Variants in NINJ1 observed in about 807,000 individuals in gnomAD.
NINJ1 encodes the protein ninjurin 1.
NINJ1 carries 6 observed loss-of-function variants against 12.7 expected under a neutral mutation model. That is an observed-to-expected ratio of 0.47 (90% CI 0.26 to 0.93). The LOEUF (loss-of-function observed/expected upper bound fraction) is 0.93. Ranked by LOEUF, NINJ1 falls within the 40% of genes least tolerant of loss-of-function variation. NINJ1 has a pLI of 0.15. For synonymous variants in NINJ1, 100 were observed against 96.0 expected (o/e 1.04, Z -0.25); for missense variants, 170 against 213.0 (o/e 0.80, Z 1.26).
In NINJ1 at chr9:93,121,929, C is replaced by T. The variant is rs1031976425; in HGVS notation, c.*311G>A. The T allele has an allele frequency of 6.6e-6, 1 of 152,350 alleles. No individual in the cohort carries two copies. 9.4% of individuals were successfully genotyped at this position (152,350 alleles called of 1,614,324 possible). On this transcript the variant is annotated 3_prime_UTR_variant, in exon 4 of 4. Transcript: ENST00000375446. ...CTGTGTGTCCTTGAGTGGGTCGAGACCCTTCTCTGGGCACAGGTCTCTGCA... is the reference window on the plus strand; with the variant it reads ...CTGTGTGTCCTTGAGTGGGTCGAGATCCTTCTCTGGGCACAGGTCTCTGCA...
rs538544171 is a variant in NINJ1, at chr9:93,131,794, C to T, written c.75+2349G>A. Among the ~76,000 whole-genome samples, 22 of 152,336 alleles carry T rather than the reference C, an allele frequency of 1.4e-4. No individual in the cohort carries two copies. In the South Asian group the frequency reaches 3.9e-3, roughly 27 times the overall value. On this transcript the variant is annotated intron_variant, in intron 1 of 3. Coordinates refer to ENST00000375446, the MANE Select transcript of NINJ1 (RefSeq NM_004148.4). The stretch of plus-strand genomic sequence containing the variant: ...GTAGGGGAGACCTGAGAGCTTCCCA[C>T]GGCCGTGGCCCAACAGAGCCCACCC...
Position 93,134,164 on chromosome 9 carries a change from T to A in NINJ1, c.54A>T (p.Thr18=), listed in dbSNP as rs1228955868. Residue 18 remains threonine, a synonymous_variant, in exon 1 of 4, where the codon ACA becomes ACT. Coordinates refer to ENST00000375446, the MANE Select transcript of NINJ1 (RefSeq NM_004148.4). ...TTACCGAGGCGTCCGGGGAGCCGGG[T>A]GTGCCCGGAGGCAGGCCGCCGTTGA... is the stretch of plus-strand genomic sequence containing the variant. ...YELNGGLPPG[T]PGSPDASPAR... 7.7e-6 allele frequency: 12 copies of A among 1,558,938 alleles called. No individual in the cohort carries two copies. The highest frequency in any genetic ancestry group is 9.5e-6 in the Non-Finnish European group (11 of 1,152,738).
intron 2 of NINJ1, 142 bp from the exon 3 acceptor site, chr9:93,125,204 T>A (rs1827794619): frequency 2.0e-5 from 16 of 794,496 alleles, no homozygotes; most frequent in Non-Finnish European, 2.1e-5. Context: ...GGATGAGTTT[T>A]GTCGCCCAGA....
chr9:93,131,794 C>G (rs538544171), intron 1 of NINJ1, among the ~76,000 whole-genome samples: 1 of 152,336 alleles, frequency 6.6e-6, no homozygotes, highest in Non-Finnish European at 1.5e-5. Flanking sequence ...GAGCTTCCCA[C>G]GGCCGTGGCC....
intron 1 of NINJ1, among the ~76,000 whole-genome samples, chr9:93,130,289 G>A (rs1260373403): frequency 6.6e-6 from 1 of 152,142 alleles, no homozygotes; most frequent in African/African-American, 2.4e-5. Flanking sequence ...GTTGGGGCTG[G>A]GCCACACGGT....
intron 3 of NINJ1, among the ~76,000 whole-genome samples, chr9:93,123,562 G>T (rs1392308798): frequency 6.6e-6 from 1 of 152,214 alleles, no homozygotes; most frequent in Non-Finnish European, 1.5e-5. Flanking sequence ...GGGATTACAG[G>T]TGTGAGCCAC....
At chr9:93,130,749 C>A (rs1326331477) in intron 1 of NINJ1, among the ~76,000 whole-genome samples, 2 of 152,190 alleles carry the variant, frequency 1.3e-5, no homozygotes, top group African/African-American at 4.8e-5. Context: ...GACTCTGCCT[C>A]CCCGACCAAC....
Position 93,134,181 on chromosome 9 carries a change from C to T in NINJ1, c.37G>A (p.Gly13Ser). The T allele has an allele frequency of 3.2e-6, 5 of 1,548,916 alleles. No homozygotes were observed. The highest frequency in any genetic ancestry group is 4.4e-6 in the Non-Finnish European group (5 of 1,146,848). Reference protein sequence around the residue: ...SGTEEYELNGGLPPGTPGSPD... With the variant: ...SGTEEYELNGSLPPGTPGSPD... ...GAGCCGGGTGTGCCCGGAGGCAGGC[C>T]GCCGTTGAGCTCGTACTCCTCGGTT... The change falls in exon 1 of 4, where the codon GGC becomes AGC. Residue 13 changes from glycine (G) to serine (S), a missense_variant. Gly to Ser is a moderately conservative substitution (Grantham distance 56). Coordinates refer to ENST00000375446, the MANE Select transcript of NINJ1 (RefSeq NM_004148.4).
At chr9:93,134,120 C>T in intron 1 of NINJ1, 23 bp downstream of exon 1, 1 of 1,530,184 alleles carries the variant, frequency 6.5e-7, no homozygotes. Context: ...CAAGATCATG[C>T]AGCGGTGGGG....
At chr9:93,128,949 T>G (rs1460063010) in intron 1 of NINJ1, among the ~76,000 whole-genome samples, 1 of 152,252 alleles carries the variant, frequency 6.6e-6, no homozygotes, top group Non-Finnish European at 1.5e-5. Context: ...CTAACTGTGT[T>G]GGCCTCTGGG....
rs575999930 is a variant in NINJ1 at position 93,131,105 on chromosome 9, C to T, written c.75+3038G>A. Among the ~76,000 whole-genome samples, 25 of 152,370 alleles carry T rather than the reference C, an allele frequency of 1.6e-4. No individual in the cohort carries two copies. In the East Asian group the frequency reaches 4.8e-3, roughly 29 times the overall value. ...GGCATGAGCTGCTGTGCCCATTCCC[C>T]AGATGCCACACAGACAGGCAGGGCC... On this transcript the variant is annotated intron_variant, in intron 1 of 3. Transcript: ENST00000375446.
rs766359967 is a variant in NINJ1 at position 93,122,171 on chromosome 9, C to A, written c.*69G>T. 6.5e-6 allele frequency: 1 copy of A among 153,068 alleles called. No individual in the cohort carries two copies. Among genetic ancestry groups the A allele is most frequent in the Non-Finnish European group, 1.5e-5 (1 of 68,686 alleles). 9.5% of individuals were successfully genotyped at this position (153,068 alleles called of 1,614,324 possible). ...CATGTGCAGGGAGGTGGACACCTCA[C>A]AGGTATGGCGACTCCTGGGGTCGGG... On this transcript the variant is annotated 3_prime_UTR_variant, in exon 4 of 4. Transcript: ENST00000375446.
In NINJ1 at chr9:93,134,211, AGTC is replaced by A. The variant is rs773914962; in HGVS notation, c.4_6del (p.Asp2del). The A allele has an allele frequency of 1.9e-4, 293 of 1,507,388 alleles. 1 individual carries two copies. Among genetic ancestry groups the A allele is most frequent in the Non-Finnish European group, 2.5e-4 (279 of 1,122,430 alleles). 93.4% of individuals were successfully genotyped at this position (1,507,388 alleles called of 1,614,324 possible). A position where few individuals can be genotyped will look rare whatever the true frequency, so the allele number is the denominator to read the frequency against. On this transcript the variant is annotated inframe_deletion, in exon 1 of 4. Transcript: ENST00000375446. Reference sequence around the variant, plus strand: ...TTGAGCTCGTACTCCTCGGTTCCCGAGTCCATGGTGCGGCCGCCCAGGCCGCCA... The same window carrying A: ...TTGAGCTCGTACTCCTCGGTTCCCGACATGGTGCGGCCGCCCAGGCCGCCA...
chr9:93,133,863 C>T (rs1024150173), intron 1 of NINJ1, among the ~76,000 whole-genome samples: 1 of 152,212 alleles, frequency 6.6e-6, no homozygotes, highest in Non-Finnish European at 1.5e-5. Context: ...CCGAGGCCCC[C>T]TCCGCCGTGC....
chr9:93,122,619 G>GA (rs1437036043), intron 3 of NINJ1, among the ~76,000 whole-genome samples: 1 of 152,204 alleles, frequency 6.6e-6, no homozygotes, highest in Non-Finnish European at 1.5e-5. Flanking sequence ...TTTCCCCTCT[G>GA]AAAATGGAAT....
chr9:93,130,960 GA>G (rs1463159612), intron 1 of NINJ1, among the ~76,000 whole-genome samples: 3 of 152,194 alleles, frequency 2.0e-5, no homozygotes, highest in African/African-American at 7.2e-5. Flanking sequence ...CTAACCCTTG[GA>G]CTCAGCAGGC....
In NINJ1 at chr9:93,133,918, G is replaced by T. The variant is rs184314987; in HGVS notation, c.75+225C>A. 3.3e-3 allele frequency among the ~76,000 whole-genome samples: 500 copies of T among 152,290 alleles called. 1 individual carries two copies. The highest frequency in any genetic ancestry group is 4.3e-3 in the Non-Finnish European group (289 of 68,000). On this transcript the variant is annotated intron_variant, in intron 1 of 3. Transcript: ENST00000375446. The stretch of plus-strand genomic sequence containing the variant: ...TTAGTGGGGCTGGGGACGCCAGCCC[G>T]CCCTGCGCCCCCACGCCCCCTCGTC...
chr9:93,122,283 G>A (rs1260981781), intron 3 of NINJ1, 53 bp from the exon 4 acceptor site: 1 of 153,054 alleles, frequency 6.5e-6, no homozygotes, highest in Non-Finnish European at 1.5e-5. Flanking sequence ...GAGAGGAGAG[G>A]CTCTGAGCCT....
intron 1 of NINJ1, among the ~76,000 whole-genome samples, chr9:93,133,494 C>A (rs1197307773): frequency 6.6e-6 from 1 of 152,250 alleles, no homozygotes; most frequent in Non-Finnish European, 1.5e-5. Flanking sequence ...CCAGGGCCTG[C>A]CCCCTGCCCA....
Sources: allele counts gnomAD v4.1 joint callset (sites outside exome capture counted in the v4.1 genomes callset), GRCh38; gene constraint gnomAD v4.1.1; transcripts MANE v1.5; gene names NCBI Gene and HGNC (gene_info 2026-07-23, HGNC 2026-07-21).